SNRNP40: variants seen among roughly 807,000 people sequenced by gnomAD.
SNRNP40 encodes U5 small nuclear ribonucleoprotein 40 kDa protein.
Under a neutral mutation model 45.8 loss-of-function variants are expected in SNRNP40, and 21 were observed. That is an observed-to-expected ratio of 0.46 (90% CI 0.32 to 0.66). The LOEUF (loss-of-function observed/expected upper bound fraction) is 0.66, where lower values mean the gene tolerates loss of function less well. Ranked by LOEUF, SNRNP40 falls within the 30% of genes least tolerant of loss-of-function variation. The probability of loss-of-function intolerance (pLI) is 0.03; values close to 1 mark genes in which losing one functional copy is unlikely to be tolerated. For missense variants in SNRNP40, 344 were observed against 439.1 expected (o/e 0.78, Z 1.94); for synonymous variants, 142 against 163.8 (o/e 0.87, Z 1.01).
intron 8 of SNRNP40, chr1:31,263,589 G>T: frequency 2.2e-6 from 1 of 460,290 alleles, no homozygotes; most frequent in African/African-American, 2.1e-5. Flanking sequence ...AACTTGAAGG[G>T]CAAGTTGAGT....
At chr1:31,261,314 G>A in intron 9 of SNRNP40, 1 of 542,594 alleles carries the variant, frequency 1.8e-6, no homozygotes, top group Non-Finnish European at 3.3e-6. Context: ...TTGCACCATT[G>A]CTCCAACCTG....
At chr1:31,273,245 C>T (rs937227841) in intron 5 of SNRNP40, among the ~76,000 whole-genome samples, 3 of 152,138 alleles carry the variant, frequency 2.0e-5, no homozygotes, top group Non-Finnish European at 2.9e-5. Context: ...GGAGAGAATG[C>T]ATTTTGCCAA....
In SNRNP40 at chr1:31,287,858, C is replaced by T. The variant is rs150752251; in HGVS notation, c.531+1396G>A. 3.3e-3 allele frequency among the ~76,000 whole-genome samples: 500 copies of T among 152,222 alleles called. 4 individuals are homozygous for T. The highest frequency in any genetic ancestry group is 0.02 in the Middle Eastern group (6 of 294). ...ACTGAAAATACAAAAACTAGCTGGG[C>T]GTGGTATGGGTCCCTGTAGTCCCAG... is the stretch of plus-strand genomic sequence containing the variant. On this transcript the variant is annotated intron_variant, in intron 4 of 9. Transcript: ENST00000263694.
chr1:31,269,391 A>G (rs1169100006), intron 6 of SNRNP40, 151 bp from the exon 7 acceptor site: 7 of 1,412,800 alleles, frequency 5.0e-6, no homozygotes, highest in African/African-American at 1.5e-5. Context: ...GCTACCTGTT[A>G]AGGCTCTTTT....
chr1:31,290,085 C>G (rs1646092416), intron 3 of SNRNP40, among the ~76,000 whole-genome samples: 1 of 152,172 alleles, frequency 6.6e-6, no homozygotes, highest in Non-Finnish European at 1.5e-5. Flanking sequence ...TGGTCTTGAA[C>G]TGGGCTCAAG....
At chr1:31,295,008 G>A (rs1281426756) in intron 1 of SNRNP40, among the ~76,000 whole-genome samples, 1 of 151,948 alleles carries the variant, frequency 6.6e-6, no homozygotes, top group East Asian at 1.9e-4. Flanking sequence ...ATAAACAATG[G>A]AGCTCGCTGT....
At chr1:31,283,277 A>C (rs1646033230) in intron 4 of SNRNP40, among the ~76,000 whole-genome samples, 1 of 152,208 alleles carries the variant, frequency 6.6e-6, no homozygotes, top group African/African-American at 2.4e-5. Context: ...ACACAGGACA[A>C]AGAATACAAA....
intron 5 of SNRNP40, among the ~76,000 whole-genome samples, chr1:31,273,791 T>A (rs995236537): frequency 6.6e-6 from 1 of 152,068 alleles, no homozygotes; most frequent in Non-Finnish European, 1.5e-5. Flanking sequence ...GTGTTCAGTA[T>A]AACAAGGAAA....
intron 5 of SNRNP40, among the ~76,000 whole-genome samples, chr1:31,276,681 T>C (rs1182810558): frequency 6.6e-6 from 1 of 151,442 alleles, no homozygotes; most frequent in African/African-American, 2.4e-5. Context: ...AGGCCAGGAG[T>C]TCGAGACCAG....
rs568480186 is a variant in SNRNP40, at chr1:31,272,485, G to A, written c.655-986C>T. Among the ~76,000 whole-genome samples the A allele has an allele frequency of 3.9e-5, 6 of 152,322 alleles. No individual in the cohort carries two copies. In the South Asian group the frequency reaches 1.2e-3, roughly 32 times the overall value. On this transcript the variant is annotated intron_variant, in intron 5 of 9. Coordinates refer to ENST00000263694, the MANE Select transcript of SNRNP40 (RefSeq NM_004814.3). ...AGGAGATAGCATGACAGAGTAGAAA[G>A]AGTGGTGACTTAGGGTAAGAATAAA...
chr1:31,289,183 C>T (rs967081325), intron 4 of SNRNP40, 71 bp downstream of exon 4: 2 of 1,419,076 alleles, frequency 1.4e-6, no homozygotes, highest in African/African-American at 2.8e-5. Context: ...AGCTAGAGTA[C>T]AAGTGGCAAG....
intron 5 of SNRNP40, among the ~76,000 whole-genome samples, chr1:31,272,368 G>T (rs985535162): frequency 6.6e-6 from 1 of 152,122 alleles, no homozygotes; most frequent in East Asian, 1.9e-4. Context: ...GGAAACGTAA[G>T]ATACAGAAAA....
At chr1:31,269,034 A>T in intron 7 of SNRNP40, 124 bp downstream of exon 7, 1 of 850,580 alleles carries the variant, frequency 1.2e-6, no homozygotes, top group South Asian at 2.7e-5. Context: ...AGTTTTAATT[A>T]AGAGCAGTGT....
Position 31,271,668 on chromosome 1 carries a change from T to TG in SNRNP40, c.655-170dup, listed in dbSNP as rs11409764. Among the ~76,000 whole-genome samples, 647 of 151,968 alleles carry TG rather than the reference T, an allele frequency of 4.3e-3. 22 individuals carry two copies. The East Asian group carries it at 0.075, about 18-fold the overall frequency. On this transcript the variant is annotated intron_variant, in intron 5 of 9. Transcript: ENST00000263694. ...CTTTTTTTAATTTTCATTTTTTTTT[T>TG]GAGACAGCGTCTCACTCTGTTGCCC...
At chr1:31,283,485 C>T (rs893845790) in intron 4 of SNRNP40, among the ~76,000 whole-genome samples, 1 of 152,070 alleles carries the variant, frequency 6.6e-6, no homozygotes, top group Non-Finnish European at 1.5e-5. Context: ...CCCCTGTAAC[C>T]CCAGCTACTC....
In SNRNP40 at chr1:31,296,642, T is replaced by C. The variant is rs1270472951; in HGVS notation, c.110A>G (p.Gln37Arg). Residue 37 changes from glutamine (Q) to arginine (R), a missense_variant, in exon 1 of 10, where the codon CAG (glutamine) becomes CGG (arginine). Gln to Arg is a conservative substitution (Grantham distance 43). Transcript: ENST00000263694. ...CAGCAAGGCTCCCGGCGTCGCCTGC[T>C]GCTGCCCGGCTCCTGGGCCAGACCC... ...GAGSGPGAGQ[Q>R]QATPGALLQA... 6.2e-7 allele frequency: 1 copy of C among 1,613,268 alleles called. No individual in the cohort carries two copies. The highest frequency in any genetic ancestry group is 8.5e-7 in the Non-Finnish European group (1 of 1,179,676).
Position 31,260,119 on chromosome 1 carries a change from T to C in SNRNP40, c.1027A>G (p.Ile343Val), listed in dbSNP as rs375822848. ...AGTCTCTTGTCACTCGATGCTGAGA[T>C]AACTGAGGTAAAAAGAACAGATAAC... Reference protein sequence around the residue: ...VAFHPDEPIIISASSDKRLYM... With the variant: ...VAFHPDEPIIVSASSDKRLYM... Residue 343 changes from isoleucine (I) to valine (V), a missense_variant and splice_region_variant, in exon 10 of 10, where the codon ATC becomes GTC. Physicochemically the swap from Ile to Val is conservative, Grantham distance 29. This residue lies in a region of SNRNP40 where 254 missense variants were observed against 380.2 expected (regional missense o/e 0.67). Transcript: ENST00000263694. 5 of 1,590,120 alleles carry C rather than the reference T, an allele frequency of 3.1e-6. No homozygotes were observed. The highest frequency in any genetic ancestry group is 1.7e-4 in the Middle Eastern group (1 of 5,956).
At chr1:31,261,218 G>A (rs1454089158) in intron 9 of SNRNP40, 1 of 377,032 alleles carries the variant, frequency 2.7e-6, no homozygotes, top group South Asian at 2.4e-5. Flanking sequence ...GGGCATGGTG[G>A]TGGGTGCCTG....
intron 8 of SNRNP40, among the ~76,000 whole-genome samples, chr1:31,265,476 G>C (rs558782656): frequency 7.6e-4 from 115 of 152,102 alleles, no homozygotes; most frequent in Non-Finnish European, 1.3e-3. Flanking sequence ...AAAGGACATT[G>C]CAATTCAGAA....
Sources: allele counts gnomAD v4.1 joint callset (sites outside exome capture counted in the v4.1 genomes callset), GRCh38; gene constraint gnomAD v4.1.1; regional missense constraint gnomAD v4.1.1; transcripts MANE v1.5; gene names NCBI Gene and HGNC (gene_info 2026-07-23, HGNC 2026-07-21).